The following STAT3 variants were observed in gnomAD, a reference collection of about 807,000 sequenced individuals.
The protein encoded by STAT3 is signal transducer and activator of transcription 3, also known as DNA-binding protein APRF.
STAT3 carries 7 observed loss-of-function variants against 114.3 expected under a neutral mutation model. The observed-to-expected ratio is 0.06, with a 90% CI of 0.03 to 0.11. The LOEUF (loss-of-function observed/expected upper bound fraction) is 0.11, where lower values mean the gene tolerates loss of function less well. STAT3 is among the 10% of genes least tolerant of loss of function. STAT3 has a pLI of 1.00. For missense variants in STAT3, 364 were observed against 960.9 expected, an observed-to-expected ratio of 0.38 and a Z score of 8.21; for synonymous variants, 331 against 354.5, an observed-to-expected ratio of 0.93 and a Z score of 0.74.
chr17:42,383,954 T>C (rs943132305), intron 1 of STAT3, among the ~76,000 whole-genome samples: 1 of 152,176 alleles, frequency 6.6e-6, no homozygotes, highest in Non-Finnish European at 1.5e-5. Flanking sequence ...TACCTACCTT[T>C]GTACAATGTC....
chr17:42,334,979 G>T (rs916672993), intron 8 of STAT3, among the ~76,000 whole-genome samples: 1 of 152,288 alleles, frequency 6.6e-6, no homozygotes, highest in Non-Finnish European at 1.5e-5. Flanking sequence ...CAGAAAAAGA[G>T]ATTAGACAGC....
intron 1 of STAT3, among the ~76,000 whole-genome samples, chr17:42,372,002 C>G (rs952538838): frequency 5.3e-5 from 8 of 152,044 alleles, no homozygotes; most frequent in Non-Finnish European, 8.8e-5. Flanking sequence ...CAAAAAAAAC[C>G]AATTTTAATA....
chr17:42,332,723 C>T lies in STAT3; in HGVS notation c.1049+950G>A, dbSNP rs145093063. Among the ~76,000 whole-genome samples the T allele has an allele frequency of 8.0e-4, 122 of 151,912 alleles. No homozygotes were observed. In the East Asian group the frequency reaches 0.018, roughly 23 times the overall value. On this transcript the variant is annotated intron_variant, in intron 10 of 23. Coordinates refer to ENST00000264657, the MANE Select transcript of STAT3 (RefSeq NM_139276.3). ...CCGGGCATGGTGGAGTGTGCCGGTC[C>T]AGCTACTCAGGGAGGCTAAGGCAGG...
chr17:42,319,529 G>C (rs940861902), intron 21 of STAT3, among the ~76,000 whole-genome samples: 1 of 118,730 alleles, frequency 8.4e-6, no homozygotes, highest in Non-Finnish European at 1.6e-5. Context: ...ACGATAGAGC[G>C]AGACTCAGGC....
chr17:42,349,419 AT>A (rs2082841890), intron 1 of STAT3, among the ~76,000 whole-genome samples: 1 of 152,220 alleles, frequency 6.6e-6, no homozygotes, highest in South Asian at 2.1e-4. Context: ...CCTTTTAGTT[AT>A]ACACAGTAAA....
chr17:42,374,786 C>T (rs1428351146), intron 1 of STAT3, among the ~76,000 whole-genome samples: 1 of 152,146 alleles, frequency 6.6e-6, no homozygotes, highest in Non-Finnish European at 1.5e-5. Context: ...CACATGGATG[C>T]AAACTTGGAA....
At chr17:42,332,318 T>C (rs1383075628) in intron 10 of STAT3, among the ~76,000 whole-genome samples, 3 of 149,534 alleles carry the variant, frequency 2.0e-5, no homozygotes, top group African/African-American at 7.4e-5. Flanking sequence ...GGCAGGTGGA[T>C]CACAAGGTCA....
intron 1 of STAT3, among the ~76,000 whole-genome samples, chr17:42,367,872 A>G (rs957970): frequency 0.36 from 55,298 of 152,144 alleles, 10,324 homozygotes; most frequent in South Asian, 0.46. Context: ...TCAAAAATCT[A>G]GAACACACTT....
At chr17:42,359,594 C>G (rs1287610368) in intron 1 of STAT3, among the ~76,000 whole-genome samples, 2 of 152,128 alleles carry the variant, frequency 1.3e-5, no homozygotes, top group African/African-American at 4.8e-5. Flanking sequence ...GGTTAAAGAG[C>G]AGTCGAAATA....
chr17:42,345,575 G>C lies in STAT3; in HGVS notation c.356C>G (p.Ala119Gly). Reference sequence around the variant, plus strand: ...AGGTCTCACCTGGGCCGCAGTGGCTGCAGTCTGTAGAAGGCGTGATTCTTC... The same window carrying C: ...AGGTCTCACCTGGGCCGCAGTGGCTCCAGTCTGTAGAAGGCGTGATTCTTC... Reference protein sequence around the residue: ...LWEESRLLQTAATAAQQGGQA... With the variant: ...LWEESRLLQTGATAAQQGGQA... The change falls in exon 4 of 24, where the codon GCA (alanine) becomes GGA (glycine). Residue 119 changes from alanine to glycine, a missense_variant. By Grantham distance (60) the Ala-to-Gly change is moderately conservative. Coordinates refer to ENST00000264657, the MANE Select transcript of STAT3 (RefSeq NM_139276.3). 1 of 1,606,008 alleles carries C rather than the reference G, an allele frequency of 6.2e-7. No individual in the cohort carries two copies. Among genetic ancestry groups the C allele is most frequent in the Middle Eastern group, 1.7e-4 (1 of 5,928 alleles).
chr17:42,386,444 C>T (rs1476553469), intron 1 of STAT3, among the ~76,000 whole-genome samples: 1 of 152,132 alleles, frequency 6.6e-6, no homozygotes, highest in Non-Finnish European at 1.5e-5. Context: ...GTGAACTACC[C>T]ACCTCACAAG....
At chr17:42,382,494 C>A (rs568938395) in intron 1 of STAT3, among the ~76,000 whole-genome samples, 1 of 152,304 alleles carries the variant, frequency 6.6e-6, no homozygotes, top group African/African-American at 2.4e-5. Flanking sequence ...CCCTGTCCTA[C>A]TTCCATACTG....
At chr17:42,352,232 A>G (rs62075772) in intron 1 of STAT3, among the ~76,000 whole-genome samples, 53,405 of 151,448 alleles carry the variant, frequency 0.35, 9,628 homozygotes, top group South Asian at 0.46. Context: ...CCAGCTACTC[A>G]GGAGGCTGAG....
intron 4 of STAT3, among the ~76,000 whole-genome samples, chr17:42,341,212 G>A (rs1241498268): frequency 1.3e-5 from 2 of 152,160 alleles, no homozygotes; most frequent in Admixed American, 6.5e-5. Context: ...TAATACCTTC[G>A]TAAAAAACTG....
chr17:42,360,583 G>A (rs991715180), intron 1 of STAT3, among the ~76,000 whole-genome samples: 2 of 151,810 alleles, frequency 1.3e-5, no homozygotes, highest in African/African-American at 4.8e-5. Context: ...GGCAGAGGTG[G>A]CAGTGAGCCA....
chr17:42,324,662 TC>T lies in STAT3; in HGVS notation c.1600+48del. On this transcript the variant is annotated intron_variant, in intron 17 of 23. Coordinates refer to ENST00000264657, the MANE Select transcript of STAT3 (RefSeq NM_139276.3). The surrounding 1 kb of genome is among the most constrained non-coding windows in gnomAD (Gnocchi z 4.5). Reference sequence around the variant, plus strand: ...CAAATGAACAGCCCTATGGGCCGGATCCCTTTTCTGGGCGGGTGGGCGGGAG... The same window carrying T: ...CAAATGAACAGCCCTATGGGCCGGATCCTTTTCTGGGCGGGTGGGCGGGAG... 1 of 1,386,288 alleles carries T rather than the reference TC, an allele frequency of 7.2e-7. No homozygotes were observed. The highest frequency in any genetic ancestry group is 9.6e-7 in the Non-Finnish European group (1 of 1,038,694). 85.9% of individuals were successfully genotyped at this position (1,386,288 alleles called of 1,614,324 possible).
In STAT3 at chr17:42,357,716, A is replaced by G. The variant is rs542075663; in HGVS notation, c.-23-9177T>C. 5.3e-5 allele frequency among the ~76,000 whole-genome samples: 8 copies of G among 152,272 alleles called. No homozygotes were observed. The East Asian group carries it at 1.5e-3, about 29-fold the overall frequency. ...ATAAATAAATAAATACTGTAGCTTT[A>G]AACTATTAGAGTCATTCATAATTTA... is the stretch of plus-strand genomic sequence containing the variant. On this transcript the variant is annotated intron_variant, in intron 1 of 23. Transcript: ENST00000264657.
intron 4 of STAT3, among the ~76,000 whole-genome samples, chr17:42,340,510 A>C (rs1048645943): frequency 3.3e-5 from 5 of 151,754 alleles, no homozygotes; most frequent in African/African-American, 9.7e-5. Context: ...CTCAACCAAA[A>C]AAAAAAAAAA....
chr17:42,357,637 A>G (rs1450448638), intron 1 of STAT3, among the ~76,000 whole-genome samples: 1 of 152,092 alleles, frequency 6.6e-6, no homozygotes, highest in Non-Finnish European at 1.5e-5. Context: ...GTGCCACTAC[A>G]CTCCAGCCTG....
Sources: gnomAD v4.1 joint callset for allele counts (sites outside exome capture counted in the v4.1 genomes callset) on GRCh38, gnomAD v4.1.1 for gene constraint, Gnocchi (gnomAD v3.1) non-coding constraint, MANE v1.5 for transcripts, NCBI Gene and HGNC (gene_info 2026-07-23, HGNC 2026-07-21) for gene names.